The following TENM2 variants were observed in gnomAD, a reference collection of about 807,000 sequenced individuals.
TENM2 encodes teneurin-2.
TENM2 carries 52 observed loss-of-function variants against 245.2 expected under a neutral mutation model. The ratio of observed to expected loss-of-function variants is 0.21; its 90% CI spans 0.17 to 0.27. The LOEUF is 0.27. Ranked by LOEUF, TENM2 falls within the 10% of genes least tolerant of loss-of-function variation. The pLI, the probability that TENM2 is intolerant of heterozygous loss-of-function variation, is 1.00. For missense variants in TENM2, 3,046 were observed against 3,666.8 expected, an observed-to-expected ratio of 0.83 and a Z score of 4.37; for synonymous variants, 1,363 against 1,438.9, an observed-to-expected ratio of 0.95 and a Z score of 1.19.
intron 4 of TENM2, among the ~76,000 whole-genome samples, chr5:167,966,566 C>A (rs777201439): frequency 6.6e-6 from 1 of 152,076 alleles, no homozygotes; most frequent in Non-Finnish European, 1.5e-5. Context: ...ATTGGTAGTG[C>A]GTATTTGGAA....
intron 1 of TENM2, among the ~76,000 whole-genome samples, chr5:167,313,360 G>T (rs1296560931): frequency 6.6e-6 from 1 of 152,144 alleles, no homozygotes. Flanking sequence ...ACTAATATGG[G>T]CCAGGAGCGG....
intron 12 of TENM2, among the ~76,000 whole-genome samples, chr5:168,138,515 G>A (rs1211822887): frequency 6.6e-6 from 1 of 152,188 alleles, no homozygotes; most frequent in Non-Finnish European, 1.5e-5. Flanking sequence ...AGAAGCCAAG[G>A]GTGCCACACC....
At chr5:167,903,158 C>G (rs1171355033) in intron 3 of TENM2, among the ~76,000 whole-genome samples, 4 of 152,042 alleles carry the variant, frequency 2.6e-5, no homozygotes, top group South Asian at 2.1e-4. Flanking sequence ...ATAAAAGATG[C>G]CTTCATGCAA....
intron 7 of TENM2, among the ~76,000 whole-genome samples, chr5:168,086,827 T>C (rs567263893): frequency 7.9e-5 from 12 of 152,244 alleles, no homozygotes; most frequent in Middle Eastern, 3.4e-3. Flanking sequence ...TTCCCAGTGT[T>C]GAGGGATGAA....
intron 2 of TENM2, among the ~76,000 whole-genome samples, chr5:167,496,753 A>G (rs958439167): frequency 6.6e-6 from 1 of 152,064 alleles, no homozygotes; most frequent in Non-Finnish European, 1.5e-5. Context: ...AGGGATGTGT[A>G]TTATTGTACA....
chr5:168,061,982 G>A, intron 6 of TENM2, 78 bp from the exon 9 acceptor site: 1 of 1,287,396 alleles, frequency 7.8e-7, no homozygotes, highest in East Asian at 2.5e-5. Context: ...AAAAAACCTG[G>A]CATGTAATTA....
Position 167,626,907 on chromosome 5 carries a change from C to T in TENM2, c.503-249079C>T, listed in dbSNP as rs190790418. ...CCGCCACAGTGGTAAGCTCACTGGC[C>T]CAGAAATGCATTTGTTCACGCTTTC... On this transcript the variant is annotated intron_variant, in intron 2 of 28. Coordinates refer to ENST00000518659, the Ensembl canonical transcript of TENM2. 4.8e-4 allele frequency among the ~76,000 whole-genome samples: 73 copies of T among 152,192 alleles called. No individual in the cohort carries two copies. The Middle Eastern group carries it at 0.041, about 85-fold the overall frequency.
At chr5:167,660,872 G>C (rs1040294461) in intron 2 of TENM2, among the ~76,000 whole-genome samples, 19 of 152,254 alleles carry the variant, frequency 1.2e-4, no homozygotes, top group African/African-American at 4.6e-4. Flanking sequence ...AGTATTTGAA[G>C]AACTTCTCTG....
chr5:167,739,300 A>G (rs1761012947), intron 2 of TENM2, among the ~76,000 whole-genome samples: 1 of 152,160 alleles, frequency 6.6e-6, no homozygotes, highest in Non-Finnish European at 1.5e-5. Context: ...GAAGTCACTC[A>G]GTGATCCTAT....
At chr5:167,880,248 G>T (rs77955547) in intron 3 of TENM2, among the ~76,000 whole-genome samples, 13 of 152,040 alleles carry the variant, frequency 8.6e-5, no homozygotes, top group South Asian at 6.2e-4. Flanking sequence ...GGCCAGGCTG[G>T]TCTCGAACTC....
the TENM2 span, among the ~76,000 whole-genome samples, chr5:167,168,947 G>C: frequency 6.6e-6 from 1 of 152,236 alleles, no homozygotes. Context: ...TTTTAGTAGA[G>C]ACGAGGTTTC....
chr5:167,983,332 A>G (rs1782985840), intron 4 of TENM2, among the ~76,000 whole-genome samples: 1 of 152,220 alleles, frequency 6.6e-6, no homozygotes, highest in South Asian at 2.1e-4. Flanking sequence ...TTTTACCATG[A>G]AAAATGCTAT....
At chr5:167,659,148 A>C (rs1288593340) in intron 2 of TENM2, among the ~76,000 whole-genome samples, 1 of 152,234 alleles carries the variant, frequency 6.6e-6, no homozygotes, top group Non-Finnish European at 1.5e-5. Context: ...GTTATGGTTT[A>C]TAGATTGCAA....
chr5:168,229,433 T>TGTAATGGCATACAAAG (rs915756616), intron 25 of TENM2: 2 of 152,156 alleles, frequency 1.3e-5, no homozygotes, highest in African/African-American at 4.8e-5. Flanking sequence ...GGAGGGGGAA[T>TGTAATGGCATACAAAG]GTAATGGCAT....
At chr5:168,203,551 C>A in intron 17 of TENM2, 138 bp from the exon 20 acceptor site, 1 of 776,630 alleles carries the variant, frequency 1.3e-6, no homozygotes, top group Non-Finnish European at 1.9e-6. Flanking sequence ...AGCAATCAGC[C>A]TGCCTCTTTG....
intron 2 of TENM2, among the ~76,000 whole-genome samples, chr5:167,566,466 C>G (rs1480227727): frequency 1.3e-5 from 2 of 152,086 alleles, no homozygotes; most frequent in African/African-American, 4.8e-5. Flanking sequence ...AAATAGCAAC[C>G]AGATTATTGT....
intron 3 of TENM2, among the ~76,000 whole-genome samples, chr5:167,891,244 T>A (rs774127632): frequency 6.6e-6 from 1 of 152,170 alleles, no homozygotes; most frequent in Non-Finnish European, 1.5e-5. Context: ...ATAGACAAAT[T>A]TTGTGGTTCC....
chr5:168,160,348 C>A (rs572257543), intron 12 of TENM2, among the ~76,000 whole-genome samples: 9 of 152,306 alleles, frequency 5.9e-5, no homozygotes, highest in South Asian at 4.1e-4. Context: ...CCAGGCAGGA[C>A]CACAGTCAGG....
chr5:167,134,435 TAAC>T, the TENM2 span, among the ~76,000 whole-genome samples: 1 of 146,780 alleles, frequency 6.8e-6, no homozygotes, highest in African/African-American at 2.8e-5. Flanking sequence ...ATGACTTCTC[TAAC>T]TAGGCGATTG....
Sources: allele counts gnomAD v4.1 joint callset (sites outside exome capture counted in the v4.1 genomes callset), GRCh38; gene constraint gnomAD v4.1.1; transcripts MANE v1.5; gene names NCBI Gene and HGNC (gene_info 2026-07-23, HGNC 2026-07-21).